RALGAPA2: variants seen among roughly 807,000 people sequenced by gnomAD.
RALGAPA2 encodes the protein ral GTPase-activating protein subunit alpha-2.
Under a neutral mutation model 230.4 loss-of-function variants are expected in RALGAPA2, and 139 were observed. The ratio of observed to expected loss-of-function variants is 0.60; its 90% CI spans 0.53 to 0.69. The LOEUF is 0.69. Ranked by LOEUF, RALGAPA2 falls within the 30% of genes least tolerant of loss-of-function variation. The pLI, the probability that RALGAPA2 is intolerant of heterozygous loss-of-function variation, is 0.00. For synonymous variants in RALGAPA2, 847 were observed against 837.8 expected (o/e 1.01, Z -0.19); for missense variants, 2,163 against 2,276.0 (o/e 0.95, Z 1.01).
chr20:20,542,719 G>A (rs2063679139), intron 24 of RALGAPA2, among the ~76,000 whole-genome samples: 1 of 152,092 alleles, frequency 6.6e-6, no homozygotes, highest in African/African-American at 2.4e-5. Flanking sequence ...GCAGAAAACT[G>A]AAACTGGACC....
At position 20,611,421 on chromosome 20, in the gene RALGAPA2, T is replaced by G. The variant is rs1411061834; in HGVS notation, c.1694A>C (p.Gln565Pro). 6 of 1,612,032 alleles carry G rather than the reference T, an allele frequency of 3.7e-6. No homozygotes were observed. The highest frequency in any genetic ancestry group is 4.2e-6 in the Non-Finnish European group (5 of 1,178,828). ...ELTMNKKTWE[Q>P]MLQILLRITE... Reference sequence around the variant, plus strand: ...TATCCTGAGTAGTATTTGCAACATCTGTTCCCTGGGCCACCCAAAATAAAA... The same window carrying G: ...TATCCTGAGTAGTATTTGCAACATCGGTTCCCTGGGCCACCCAAAATAAAA... The change falls in exon 14 of 40, where the codon CAG (glutamine) becomes CCG (proline). Residue 565 changes from glutamine (Q) to proline (P), a missense_variant. Physicochemically the swap from Gln to Pro is moderately conservative, Grantham distance 76. Coordinates refer to ENST00000202677, the MANE Select transcript of RALGAPA2 (RefSeq NM_020343.4).
chr20:20,559,751 C>T (rs1027511014), intron 23 of RALGAPA2, among the ~76,000 whole-genome samples: 1 of 151,734 alleles, frequency 6.6e-6, no homozygotes, highest in Non-Finnish European at 1.5e-5. Flanking sequence ...GATAAAATTC[C>T]AGTAAAAGAT....
intron 27 of RALGAPA2, among the ~76,000 whole-genome samples, chr20:20,528,084 G>A (rs2063267314): frequency 6.6e-6 from 1 of 152,116 alleles, no homozygotes; most frequent in Non-Finnish European, 1.5e-5. Flanking sequence ...GGGGGGATGT[G>A]GGGTCTCCTT....
Position 20,589,250 on chromosome 20 carries a change from G to T in RALGAPA2, c.2439+18C>A. On this transcript the variant is annotated intron_variant, in intron 18 of 39. Transcript: ENST00000202677. ...TTTATTTTTAATGACAAACTGAAAT[G>T]GCTTGAAAATATCTTACTGTTATTC... The T allele has an allele frequency of 6.5e-7, 1 of 1,541,050 alleles. No individual in the cohort carries two copies. Among genetic ancestry groups the T allele is most frequent in the East Asian group, 2.4e-5 (1 of 41,342 alleles).
At chr20:20,578,434 C>A (rs371516719) in intron 20 of RALGAPA2, among the ~76,000 whole-genome samples, 1 of 151,994 alleles carries the variant, frequency 6.6e-6, no homozygotes, top group Admixed American at 6.6e-5. Context: ...TAATGCTATA[C>A]GGGTGTTTAA....
chr20:20,493,305 A>G (rs2062112909), intron 36 of RALGAPA2, among the ~76,000 whole-genome samples: 1 of 152,228 alleles, frequency 6.6e-6, no homozygotes, highest in African/African-American at 2.4e-5. Context: ...AAATGTAAGG[A>G]TAATACTAAA....
At chr20:20,542,541 G>T (rs560720319) in intron 24 of RALGAPA2, among the ~76,000 whole-genome samples, 12 of 152,234 alleles carry the variant, frequency 7.9e-5, no homozygotes, top group African/African-American at 2.2e-4. Context: ...AAAACAGCAT[G>T]GTACTGGTAC....
intron 39 of RALGAPA2, 78 bp downstream of exon 39, chr20:20,396,617 A>G: frequency 3.0e-6 from 4 of 1,352,154 alleles, no homozygotes; most frequent in Non-Finnish European, 4.1e-6. Flanking sequence ...TCCGCTACCG[A>G]GGGCAGCCGA....
chr20:20,613,118 T>C (rs1197752146), intron 13 of RALGAPA2, among the ~76,000 whole-genome samples: 1 of 152,222 alleles, frequency 6.6e-6, no homozygotes, highest in East Asian at 1.9e-4. Context: ...AAACTATGAT[T>C]TGGAAAAATC....
chr20:20,523,532 G>C (rs895285573), intron 30 of RALGAPA2, among the ~76,000 whole-genome samples: 1 of 152,146 alleles, frequency 6.6e-6, no homozygotes, highest in African/African-American at 2.4e-5. Flanking sequence ...TTAGTAGGGT[G>C]GCTGTAGTTA....
At position 20,616,227 on chromosome 20, in the gene RALGAPA2, T is replaced by C. The variant is rs927543572; in HGVS notation, c.1540-36A>G. 4 of 1,379,736 alleles carry C rather than the reference T, an allele frequency of 2.9e-6. No homozygotes were observed. The East Asian group carries it at 7.8e-5, about 27-fold the overall frequency. The allele number at this position is 1,379,736 out of a possible 1,614,324, so 85.5% of individuals were successfully genotyped here. Reference sequence around the variant, plus strand: ...ACAACTTTACATTAGAAAATATAACTGAACATAAACATTTGAATAAATTTT... The same window carrying C: ...ACAACTTTACATTAGAAAATATAACCGAACATAAACATTTGAATAAATTTT... On this transcript the variant is annotated intron_variant, in intron 12 of 39. Transcript: ENST00000202677.
At chr20:20,512,468 T>C (rs1297926787) in intron 32 of RALGAPA2, 45 bp downstream of exon 32, 1 of 1,467,358 alleles carries the variant, frequency 6.8e-7, no homozygotes, top group East Asian at 2.4e-5. Context: ...AACAAGTACA[T>C]GAAAATAATG....
chr20:20,667,838 T>A (rs2068007606), intron 3 of RALGAPA2, among the ~76,000 whole-genome samples: 1 of 152,188 alleles, frequency 6.6e-6, no homozygotes, highest in Non-Finnish European at 1.5e-5. Context: ...TTATTTTCAT[T>A]TTAAAAAATG....
At chr20:20,405,070 G>A (rs1490331615) in intron 38 of RALGAPA2, among the ~76,000 whole-genome samples, 1 of 152,148 alleles carries the variant, frequency 6.6e-6, no homozygotes, top group East Asian at 1.9e-4. Flanking sequence ...CCAGTTCTCA[G>A]ACATTAGGCA....
At chr20:20,495,383 T>G in intron 35 of RALGAPA2, 108 bp from the exon 36 acceptor site, 1 of 961,088 alleles carries the variant, frequency 1.0e-6, no homozygotes, top group Non-Finnish European at 1.5e-6. Flanking sequence ...AAAATTTCAC[T>G]ACCAAAAAAG....
intron 20 of RALGAPA2, among the ~76,000 whole-genome samples, chr20:20,580,392 C>T (rs1432634154): frequency 6.6e-6 from 1 of 152,146 alleles, no homozygotes; most frequent in African/African-American, 2.4e-5. Flanking sequence ...CCTCCAACTA[C>T]CTCCTTTCTC....
chr20:20,612,994 A>G (rs2066021053), intron 13 of RALGAPA2, among the ~76,000 whole-genome samples: 1 of 152,258 alleles, frequency 6.6e-6, no homozygotes, highest in Non-Finnish European at 1.5e-5. Flanking sequence ...AACTGCTATC[A>G]AAAGCCACAA....
intron 37 of RALGAPA2, among the ~76,000 whole-genome samples, chr20:20,443,226 A>G (rs2060778913): frequency 6.6e-6 from 1 of 152,252 alleles, no homozygotes; most frequent in South Asian, 2.1e-4. Flanking sequence ...CTGTAAAACT[A>G]CCGTGGCGTG....
intron 13 of RALGAPA2, among the ~76,000 whole-genome samples, chr20:20,613,857 T>G (rs1421312458): frequency 2.6e-5 from 4 of 152,300 alleles, no homozygotes; most frequent in Middle Eastern, 3.4e-3. Context: ...CGTCTGTCCA[T>G]GCCAAGCAAC....
Sources: allele counts gnomAD v4.1 joint callset (sites outside exome capture counted in the v4.1 genomes callset), GRCh38; gene constraint gnomAD v4.1.1; transcripts MANE v1.5; gene names NCBI Gene and HGNC (gene_info 2026-07-23, HGNC 2026-07-21).